AKR1B15: variants seen among roughly 807,000 people sequenced by gnomAD.
AKR1B15 encodes the protein estradiol 17-beta-dehydrogenase AKR1B15.
AKR1B15 carries 49 observed loss-of-function variants against 38.5 expected under a neutral mutation model. That is an observed-to-expected ratio of 1.27 (90% CI 1.01 to 1.62). AKR1B15 has a LOEUF of 1.62. Ranked by LOEUF, AKR1B15 falls within the 40% of genes most tolerant of loss-of-function variation. AKR1B15 has a pLI of 0.00. For missense variants in AKR1B15, 411 were observed against 381.6 expected (o/e 1.08, Z -0.64); for synonymous variants, 137 against 135.5 (o/e 1.01, Z -0.08).
chr7:134,561,293 A>T (rs1477380389), intron 2 of AKR1B15, among the ~76,000 whole-genome samples: 5 of 152,168 alleles, frequency 3.3e-5, no homozygotes, highest in African/African-American at 9.7e-5. Flanking sequence ...GGCTCACTGC[A>T]ATCTCCACCT....
chr7:134,566,188 G>C (rs1360692939), intron 3 of AKR1B15, among the ~76,000 whole-genome samples: 1 of 152,190 alleles, frequency 6.6e-6, no homozygotes, highest in East Asian at 1.9e-4. Flanking sequence ...CAGCCACTTG[G>C]GAGGCTGAGG....
At chr7:134,565,334 C>T in intron 3 of AKR1B15, 3 of 1,323,016 alleles carry the variant, frequency 2.3e-6, no homozygotes, top group Non-Finnish European at 2.1e-6. Flanking sequence ...GACACAACAT[C>T]TTTAACAGCT....
chr7:134,575,254 A>G (rs772738559), intron 6 of AKR1B15, among the ~76,000 whole-genome samples, 166 bp from the exon 7 acceptor site: 5 of 152,130 alleles, frequency 3.3e-5, no homozygotes, highest in African/African-American at 4.8e-5. Context: ...GCTGGAACCA[A>G]TCACTGATGG....
intron 3 of AKR1B15, among the ~76,000 whole-genome samples, chr7:134,565,787 A>T (rs1794519799): frequency 6.6e-6 from 1 of 152,092 alleles, no homozygotes. Flanking sequence ...TTTCAAGCAG[A>T]GTTGGACTTA....
chr7:134,573,349 CTG>C, intron 6 of AKR1B15: 1 of 985,052 alleles, frequency 1.0e-6, no homozygotes, highest in Non-Finnish European at 1.2e-6. Context: ...TACATTTGAT[CTG>C]TGTTTTTGCC....
Position 134,571,694 on chromosome 7 carries a change from T to C in AKR1B15, c.513+13T>C. 6.2e-7 allele frequency: 1 copy of C among 1,606,322 alleles called. No homozygotes were observed. Among genetic ancestry groups the C allele is most frequent in the Non-Finnish European group, 8.5e-7 (1 of 1,173,430 alleles). The stretch of plus-strand genomic sequence containing the variant: ...GGATGCCTGGGAGGTAGGTTCCAGC[T>C]TTGTCTAAGTGTGCTGGGAGAGAAA... On this transcript the variant is annotated intron_variant, in intron 6 of 11. Coordinates refer to ENST00000457545, the MANE Select transcript of AKR1B15 (RefSeq NM_001080538.3).
intron 2 of AKR1B15, among the ~76,000 whole-genome samples, chr7:134,561,777 G>A (rs952444458): frequency 6.6e-6 from 1 of 151,952 alleles, no homozygotes; most frequent in African/African-American, 2.4e-5. Context: ...GCATGGCACA[G>A]GCCTATATCA....
At chr7:134,554,530 C>A (rs1276913815) in intron 1 of AKR1B15, among the ~76,000 whole-genome samples, 1 of 152,152 alleles carries the variant, frequency 6.6e-6, no homozygotes, top group Non-Finnish European at 1.5e-5. Context: ...AGATCCCCCA[C>A]CTTCAGGACT....
At chr7:134,560,841 G>A (rs1300982076) in intron 2 of AKR1B15, among the ~76,000 whole-genome samples, 3 of 152,204 alleles carry the variant, frequency 2.0e-5, no homozygotes, top group Non-Finnish European at 4.4e-5. Context: ...TACTCTGCAA[G>A]GACCTCTGAA....
At chr7:134,575,304 A>G in intron 6 of AKR1B15, 116 bp from the exon 7 acceptor site, 11 of 1,463,428 alleles carry the variant, frequency 7.5e-6, no homozygotes, top group Non-Finnish European at 1.0e-5. Flanking sequence ...TGAATGCTTC[A>G]GCTAACTCTG....
intron 4 of AKR1B15, among the ~76,000 whole-genome samples, chr7:134,568,893 G>A (rs1794603952): frequency 6.6e-6 from 1 of 151,106 alleles, no homozygotes; most frequent in Non-Finnish European, 1.5e-5. Flanking sequence ...CTAGTTCTGT[G>A]TACTTGGAAA....
In AKR1B15 at chr7:134,568,237, A is replaced by C. The variant is rs781699665; in HGVS notation, c.230A>C (p.Tyr77Ser). The change falls in exon 4 of 12, where the codon TAT becomes TCT. Residue 77 changes from tyrosine (Y) to serine (S), a missense_variant. Transcript: ENST00000457545. ...EYRHIDCAYF[Y>S]ENQHEVGEAI... ...CGCCACATTGACTGTGCCTATTTCTATGAGAATCAACATGAGGTGGGAGAA... is the reference window on the plus strand; with the variant it reads ...CGCCACATTGACTGTGCCTATTTCTCTGAGAATCAACATGAGGTGGGAGAA... 2.5e-6 allele frequency: 4 copies of C among 1,614,098 alleles called. No individual in the cohort carries two copies. The highest frequency in any genetic ancestry group is 3.4e-6 in the Non-Finnish European group (4 of 1,179,994).
rs397729485 is a variant in AKR1B15 at position 134,576,361 on chromosome 7, G to C, written c.756G>C (p.Glu252Asp). The C allele has an allele frequency of 1.2e-6, 2 of 1,614,056 alleles. No homozygotes were observed. Among genetic ancestry groups the C allele is most frequent in the African/African-American group, 2.7e-5 (2 of 75,040 alleles). Residue 252 changes from glutamate to aspartate, a missense_variant, in exon 9 of 12, where the codon GAG (glutamate) becomes GAC (aspartate). By Grantham distance (45) the Glu-to-Asp change is conservative (BLOSUM62 2). This residue lies in a region of AKR1B15 where 133 missense variants were observed against 120.3 expected (regional missense o/e 1.11). Transcript: ENST00000457545. ...TTTCTGCCCCTAGGGCCAAACCTGAGGACCCTTCCCTGCTGGAGGATCCCA... is the reference window on the plus strand; with the variant it reads ...TTTCTGCCCCTAGGGCCAAACCTGACGACCCTTCCCTGCTGGAGGATCCCA... ...GSPDRPWAKP[E>D]DPSLLEDPKI...
intron 5 of AKR1B15, among the ~76,000 whole-genome samples, chr7:134,570,815 G>A (rs985535392): frequency 9.9e-5 from 15 of 152,148 alleles, no homozygotes; most frequent in African/African-American, 3.6e-4. Context: ...GCGCTGCTGA[G>A]GTGCTCACAT....
chr7:134,578,260 A>C (rs1483154132), intron 11 of AKR1B15, among the ~76,000 whole-genome samples: 1 of 152,174 alleles, frequency 6.6e-6, no homozygotes, highest in Non-Finnish European at 1.5e-5. Context: ...GTGGACAGGA[A>C]GTGGTAGGTG....
chr7:134,569,304 T>C, intron 4 of AKR1B15, 109 bp from the exon 5 acceptor site: 2 of 1,277,528 alleles, frequency 1.6e-6, no homozygotes, highest in Non-Finnish European at 2.2e-6. Flanking sequence ...TTGTTATAGA[T>C]GGCCTGAGCC....
chr7:134,557,073 CTAGA>C, intron 2 of AKR1B15, among the ~76,000 whole-genome samples: 1 of 152,278 alleles, frequency 6.6e-6, no homozygotes, highest in Admixed American at 6.5e-5. Context: ...TCGAGAAAAT[CTAGA>C]TAGATGCCAG....
At chr7:134,555,148 A>C (rs757893154) in intron 1 of AKR1B15, among the ~76,000 whole-genome samples, 4 of 152,110 alleles carry the variant, frequency 2.6e-5, no homozygotes, top group Non-Finnish European at 5.9e-5. Context: ...CAGAAATCTC[A>C]CAAGCTAACT....
intron 8 of AKR1B15, 89 bp from the exon 9 acceptor site, chr7:134,576,260 T>C: frequency 1.0e-5 from 14 of 1,352,018 alleles, no homozygotes; most frequent in African/African-American, 2.9e-5. Flanking sequence ...GAGGCTCTGA[T>C]GATCAGTCTT....
Sources: allele counts gnomAD v4.1 joint callset (sites outside exome capture counted in the v4.1 genomes callset), GRCh38; gene constraint gnomAD v4.1.1; regional missense constraint gnomAD v4.1.1; transcripts MANE v1.5; gene names NCBI Gene and HGNC (gene_info 2026-07-23, HGNC 2026-07-21).